AFMID: variants seen among roughly 807,000 people sequenced by gnomAD.
AFMID encodes kynurenine formamidase.
Under a neutral mutation model 47.5 loss-of-function variants are expected in AFMID, and 39 were observed. The ratio of observed to expected loss-of-function variants is 0.82; its 90% CI spans 0.64 to 1.07. AFMID has a LOEUF of 1.07. AFMID is among the 50% of genes least tolerant of loss of function. AFMID has a pLI of 0.00. For missense variants in AFMID, 375 were observed against 387.5 expected, an observed-to-expected ratio of 0.97 and a Z score of 0.27; for synonymous variants, 130 against 153.2, an observed-to-expected ratio of 0.85 and a Z score of 1.12.
chr17:78,201,908 T>G (rs2076253074), intron 2 of AFMID, among the ~76,000 whole-genome samples: 1 of 151,624 alleles, frequency 6.6e-6, no homozygotes, highest in Admixed American at 6.6e-5. Context: ...TTTTTTGTAT[T>G]TTTAGTAGAG....
At chr17:78,192,638 A>G (rs1384252596) in intron 2 of AFMID, 2 of 471,084 alleles carry the variant, frequency 4.2e-6, no homozygotes, top group East Asian at 1.4e-4. Flanking sequence ...TCTTTAAAGA[A>G]ATCTGGACTT....
chr17:78,194,629 G>C (rs188809056), intron 2 of AFMID, among the ~76,000 whole-genome samples: 16 of 152,234 alleles, frequency 1.1e-4, no homozygotes, highest in African/African-American at 3.9e-4. Flanking sequence ...TGGCAGAGAG[G>C]GGGTTTAAGA....
chr17:78,200,042 G>C (rs1164194075), intron 2 of AFMID, among the ~76,000 whole-genome samples: 2 of 149,206 alleles, frequency 1.3e-5, no homozygotes, highest in Admixed American at 1.3e-4. Context: ...CCCCCACAAC[G>C]ACATAAAAAA....
At chr17:78,197,298 C>G (rs759095316) in intron 2 of AFMID, 22 of 1,274,296 alleles carry the variant, frequency 1.7e-5, no homozygotes, top group Non-Finnish European at 2.4e-5. Context: ...GTGACAAATG[C>G]GTCTGCCTTT....
rs1432979611 is a variant in AFMID, at chr17:78,207,006, A to C, written c.*69A>C. 6.5e-7 allele frequency: 1 copy of C among 1,530,554 alleles called. No homozygotes were observed. Among genetic ancestry groups the C allele is most frequent in the Admixed American group, 1.7e-5 (1 of 59,826 alleles). The allele number at this position is 1,530,554 out of a possible 1,614,324, so 94.8% of individuals were successfully genotyped here. A position where few individuals can be genotyped will look rare whatever the true frequency, so the allele number is the denominator to read the frequency against. On this transcript the variant is annotated 3_prime_UTR_variant, in exon 11 of 11. Coordinates refer to ENST00000409257, the MANE Select transcript of AFMID (RefSeq NM_001010982.5). ...GGAAGCCTCTCCAAAGAGCTTTCGG[A>C]GCTGACACTGACAGCTTCAGTTTCC...
Position 78,205,724 on chromosome 17 carries a change from TG to T in AFMID, c.769del (p.Glu257SerfsTer30). On this transcript the variant is annotated frameshift_variant, in exon 9 of 11. Coordinates refer to ENST00000409257, the MANE Select transcript of AFMID (RefSeq NM_001010982.5). LOFTEE classifies it high-confidence loss of function. ...CTCCCCCGAATTCCACCGACAGTCC[TG>T]GGAGTTTTACCAGGTACTCCCAGTG... ...FDSPEFHRQS[W>X]EFYQTLCQGE... 6.2e-7 allele frequency: 1 copy of T among 1,610,200 alleles called. No homozygotes were observed.
intron 2 of AFMID, among the ~76,000 whole-genome samples, chr17:78,193,906 G>T (rs1474831172): frequency 1.3e-5 from 2 of 151,028 alleles, no homozygotes; most frequent in Non-Finnish European, 2.9e-5. Flanking sequence ...AACCCAGAAG[G>T]TGGAGCTTGC....
At chr17:78,194,331 G>T (rs113213832) in intron 2 of AFMID, among the ~76,000 whole-genome samples, 2 of 151,896 alleles carry the variant, frequency 1.3e-5, no homozygotes, top group African/African-American at 4.8e-5. Flanking sequence ...CACCATGTTC[G>T]CCAGGTTGGT....
intron 2 of AFMID, among the ~76,000 whole-genome samples, chr17:78,201,164 C>CT (rs886942058): frequency 6.7e-5 from 10 of 149,498 alleles, no homozygotes; most frequent in African/African-American, 1.7e-4. Flanking sequence ...GTCCAGATAA[C>CT]TTTTTTTTTA....
At position 78,205,472 on chromosome 17, in the gene AFMID, G is replaced by A; in HGVS notation, c.598G>A (p.Glu200Lys). Residue 200 changes from glutamate to lysine, a missense_variant, in exon 8 of 11, where the codon GAG (glutamate) becomes AAG (lysine). Transcript: ENST00000409257. ...FFLVSGVFDLEPIVYTSQNVA... is the reference protein window; with the variant it reads ...FFLVSGVFDLKPIVYTSQNVA... ...CCTGGTGAGTGGGGTCTTTGACCTG[G>A]AGCCCATCGTGTATACTTCACAGAA... The A allele has an allele frequency of 6.2e-7, 1 of 1,614,168 alleles. No homozygotes were observed. The highest frequency in any genetic ancestry group is 8.5e-7 in the Non-Finnish European group (1 of 1,180,026).
chr17:78,206,078 C>G lies in AFMID; in HGVS notation c.885+28C>G, dbSNP rs772787555. 10 of 1,595,164 alleles carry G rather than the reference C, an allele frequency of 6.3e-6. 1 individual carries two copies. The highest frequency in any genetic ancestry group is 2.2e-5 in the East Asian group (1 of 44,786). ...GGGGCCTCATCCCTGGCAGCCCTTTCATGGTAGACAGCACAGGTCCTGTCG... is the reference window on the plus strand; with the variant it reads ...GGGGCCTCATCCCTGGCAGCCCTTTGATGGTAGACAGCACAGGTCCTGTCG... On this transcript the variant is annotated intron_variant, in intron 10 of 10. Transcript: ENST00000409257.
chr17:78,189,737 C>G (rs576916819), intron 1 of AFMID, among the ~76,000 whole-genome samples: 2 of 151,684 alleles, frequency 1.3e-5, no homozygotes, highest in Admixed American at 6.6e-5. Context: ...CCAGACTGGT[C>G]TGGAACTCCT....
At chr17:78,200,248 G>A (rs1014741359) in intron 2 of AFMID, among the ~76,000 whole-genome samples, 12 of 151,914 alleles carry the variant, frequency 7.9e-5, no homozygotes, top group Non-Finnish European at 1.8e-4. Flanking sequence ...CTCTGCCTCC[G>A]GGTTCAAGCG....
At chr17:78,189,910 C>T (rs2075916898) in intron 1 of AFMID, among the ~76,000 whole-genome samples, 1 of 149,198 alleles carries the variant, frequency 6.7e-6, no homozygotes, top group South Asian at 2.1e-4. Flanking sequence ...CGGCTCACTG[C>T]AACCTCTGCC....
In AFMID at chr17:78,206,812, G is replaced by A. The variant is rs141664412; in HGVS notation, c.886-99G>A. The stretch of plus-strand genomic sequence containing the variant: ...CTCCCGAAGGGTTGGGGTTGCAGAC[G>A]TGAGCCACTGCATCCAGCCCTGTCT... On this transcript the variant is annotated intron_variant, in intron 10 of 10. Coordinates refer to ENST00000409257, the MANE Select transcript of AFMID (RefSeq NM_001010982.5). 8.4e-4 allele frequency: 1,154 copies of A among 1,374,928 alleles called. 4 individuals carry two copies. The highest frequency in any genetic ancestry group is 2.9e-3 in the South Asian group (249 of 85,860). The allele number at this position is 1,374,928 out of a possible 1,614,324, so 85.2% of individuals were successfully genotyped here.
In AFMID at chr17:78,191,930, G is replaced by C. The variant is rs1478079431; in HGVS notation, c.154+870G>C. ...CTCCATCTCTTGACCTCGTGATCTG[G>C]CTGCCTCGGCCTCCCAAAGTGCTGG... On this transcript the variant is annotated intron_variant, in intron 2 of 10. Transcript: ENST00000409257. Among the ~76,000 whole-genome samples, 4 of 151,880 alleles carry C rather than the reference G, an allele frequency of 2.6e-5. No homozygotes were observed. In the East Asian group the frequency reaches 7.8e-4, roughly 29 times the overall value.
In AFMID at chr17:78,207,138, A is replaced by G; in HGVS notation, c.*201A>G. On this transcript the variant is annotated 3_prime_UTR_variant, in exon 11 of 11. Transcript: ENST00000409257. Reference sequence around the variant, plus strand: ...CACGTCCTCCCTCTTCCCAGCCTGGATGGAGCTCCAGGGCTGGGGAACGTC... The same window carrying G: ...CACGTCCTCCCTCTTCCCAGCCTGGGTGGAGCTCCAGGGCTGGGGAACGTC... 1.6e-6 allele frequency: 1 copy of G among 636,738 alleles called. No homozygotes were observed. The highest frequency in any genetic ancestry group is 2.8e-6 in the Non-Finnish European group (1 of 363,168). The allele number at this position is 636,738 out of a possible 1,614,324, so 39.4% of individuals were successfully genotyped here.
intron 2 of AFMID, among the ~76,000 whole-genome samples, chr17:78,195,381 G>A (rs2076084766): frequency 6.7e-6 from 1 of 149,878 alleles, no homozygotes; most frequent in Admixed American, 6.6e-5. Context: ...TTTTAGTAGA[G>A]ACAGGGTTTC....
intron 2 of AFMID, among the ~76,000 whole-genome samples, chr17:78,198,220 C>A (rs1031274252): frequency 1.3e-5 from 2 of 151,386 alleles, no homozygotes; most frequent in African/African-American, 4.9e-5. Context: ...CAGAGTGAAA[C>A]CGTGTCTCAA....
Sources: gnomAD v4.1 joint callset for allele counts (sites outside exome capture counted in the v4.1 genomes callset) on GRCh38, gnomAD v4.1.1 for gene constraint, MANE v1.5 for transcripts, NCBI Gene and HGNC (gene_info 2026-07-23, HGNC 2026-07-21) for gene names.